PRR16: variants seen among roughly 807,000 people sequenced by gnomAD.
PRR16 encodes the protein protein Largen.
A neutral mutation model predicts 18.2 loss-of-function variants in PRR16; 6 were observed. The observed-to-expected ratio is 0.33, with a 90% CI of 0.18 to 0.65. PRR16 has a LOEUF of 0.65. PRR16 is among the 30% of genes least tolerant of loss of function. The probability of loss-of-function intolerance (pLI) is 0.74; values close to 1 mark genes in which losing one functional copy is unlikely to be tolerated. For missense variants in PRR16, 412 were observed against 376.6 expected, an observed-to-expected ratio of 1.09 and a Z score of -0.78; for synonymous variants, 151 against 147.8, an observed-to-expected ratio of 1.02 and a Z score of -0.16.
chr5:120,773,442 GTA>G, the PRR16 span, among the ~76,000 whole-genome samples: 1 of 152,112 alleles, frequency 6.6e-6, no homozygotes, highest in Non-Finnish European at 1.5e-5. Context: ...GTTCTAGTCA[GTA>G]GTAGGAGGAA....
intron 1 of PRR16, among the ~76,000 whole-genome samples, chr5:120,668,023 C>G (rs1756456100): frequency 6.6e-6 from 1 of 152,088 alleles, no homozygotes; most frequent in South Asian, 2.1e-4. Context: ...AACTTTCTGT[C>G]TCGTGGATCT....
chr5:120,491,755 G>A (rs1209029890), intron 1 of PRR16, among the ~76,000 whole-genome samples: 1 of 152,082 alleles, frequency 6.6e-6, no homozygotes, highest in Non-Finnish European at 1.5e-5. Flanking sequence ...TGTTAGCCAG[G>A]GTGGTCTTGA....
At chr5:120,563,978 C>T (rs890572145) in intron 1 of PRR16, among the ~76,000 whole-genome samples, 3 of 152,032 alleles carry the variant, frequency 2.0e-5, no homozygotes, top group East Asian at 1.9e-4. Flanking sequence ...TGAATCCTGC[C>T]GGGACTGTCG....
chr5:120,484,578 T>C (rs999064279), intron 1 of PRR16, among the ~76,000 whole-genome samples: 2 of 146,210 alleles, frequency 1.4e-5, no homozygotes, highest in Non-Finnish European at 3.0e-5. Context: ...AATATATTCA[T>C]TTATATATAG....
the PRR16 span, among the ~76,000 whole-genome samples, chr5:120,738,903 C>T: frequency 1.2e-4 from 19 of 152,118 alleles, no homozygotes; most frequent in Non-Finnish European, 2.8e-4. Context: ...GGATCAAATA[C>T]TAATTTTGCA....
intron 1 of PRR16, among the ~76,000 whole-genome samples, chr5:120,609,421 TA>T (rs1287891114): frequency 6.6e-6 from 1 of 152,128 alleles, no homozygotes; most frequent in African/African-American, 2.4e-5. Flanking sequence ...AAAAAATTTT[TA>T]AAAAAGGAAT....
chr5:120,729,629 G>T, the PRR16 span, among the ~76,000 whole-genome samples: 2 of 152,122 alleles, frequency 1.3e-5, no homozygotes, highest in African/African-American at 4.8e-5. Flanking sequence ...TTTTGTTTAC[G>T]CATGGATGTT....
chr5:120,557,442 TTATTG>T (rs2112711119), intron 1 of PRR16, among the ~76,000 whole-genome samples: 1 of 152,068 alleles, frequency 6.6e-6, no homozygotes, highest in African/African-American at 2.4e-5. Flanking sequence ...ATATTTGATT[TTATTG>T]TATCTGTGTT....
chr5:120,683,772 C>G (rs1390296060), intron 1 of PRR16, among the ~76,000 whole-genome samples: 1 of 151,978 alleles, frequency 6.6e-6, no homozygotes, highest in African/African-American at 2.4e-5. Flanking sequence ...CTTACACTGC[C>G]AAGAGCCAGC....
intron 1 of PRR16, among the ~76,000 whole-genome samples, chr5:120,670,784 A>G (rs749172631): frequency 1.4e-4 from 22 of 152,196 alleles, no homozygotes; most frequent in African/African-American, 2.9e-4. Flanking sequence ...GGATATTCCA[A>G]AGATGGGCTT....
At chr5:120,734,324 CCT>C in the PRR16 span, among the ~76,000 whole-genome samples, 14 of 150,802 alleles carry the variant, frequency 9.3e-5, no homozygotes, top group South Asian at 2.1e-4. Flanking sequence ...TTTTCACACT[CCT>C]CTCTCTCTCT....
intron 1 of PRR16, among the ~76,000 whole-genome samples, chr5:120,524,493 A>G (rs6869986): frequency 0.2 from 30,856 of 151,998 alleles, 3,238 homozygotes; most frequent in Non-Finnish European, 0.22. Context: ...ACTCATGAAT[A>G]TAGAGAGTGG....
chr5:120,536,530 A>G (rs1402054719), intron 1 of PRR16, among the ~76,000 whole-genome samples: 2 of 152,242 alleles, frequency 1.3e-5, no homozygotes, highest in East Asian at 1.9e-4. Context: ...TTAAGTACAC[A>G]TATACATTGT....
At chr5:120,519,987 T>C (rs990431463) in intron 1 of PRR16, among the ~76,000 whole-genome samples, 2 of 152,178 alleles carry the variant, frequency 1.3e-5, no homozygotes, top group Admixed American at 1.3e-4. Flanking sequence ...TCTTCAGTAG[T>C]TTTATTCTGA....
intron 1 of PRR16, among the ~76,000 whole-genome samples, chr5:120,558,554 G>A (rs1350724354): frequency 6.6e-6 from 1 of 151,824 alleles, no homozygotes; most frequent in African/African-American, 2.4e-5. Flanking sequence ...ATCTATTGAC[G>A]GATTCTTAGG....
intron 1 of PRR16, among the ~76,000 whole-genome samples, chr5:120,571,666 A>AT: frequency 1.3e-5 from 2 of 152,302 alleles, no homozygotes; most frequent in African/African-American, 4.8e-5. Flanking sequence ...TAAGAGAGGC[A>AT]TGCAGGTACC....
the PRR16 span, among the ~76,000 whole-genome samples, chr5:120,745,084 A>G: frequency 6.6e-6 from 1 of 152,168 alleles, no homozygotes; most frequent in Non-Finnish European, 1.5e-5. Context: ...GCTTCTCCCA[A>G]AAGTCTTTCC....
At chr5:120,637,855 T>A (rs1195026856) in intron 1 of PRR16, among the ~76,000 whole-genome samples, 1 of 151,994 alleles carries the variant, frequency 6.6e-6, no homozygotes, top group Non-Finnish European at 1.5e-5. Flanking sequence ...AAAAAAGAAA[T>A]GTTAGCCAGA....
At chr5:120,698,352 G>T in the PRR16 span, among the ~76,000 whole-genome samples, 2 of 152,048 alleles carry the variant, frequency 1.3e-5, no homozygotes, top group Non-Finnish European at 2.9e-5. Context: ...AGGTATAAAA[G>T]GTCTAAGAAT....
Sources: gnomAD v4.1 joint callset for allele counts (sites outside exome capture counted in the v4.1 genomes callset) on GRCh38, gnomAD v4.1.1 for gene constraint, MANE v1.5 for transcripts, NCBI Gene and HGNC (gene_info 2026-07-23, HGNC 2026-07-21) for gene names.